Variants in EML4 observed in about 807,000 individuals in gnomAD.
EML4 encodes the protein echinoderm microtubule-associated protein-like 4.
Under a neutral mutation model 129.0 loss-of-function variants are expected in EML4, and 72 were observed. The observed-to-expected ratio is 0.56, with a 90% CI of 0.46 to 0.68. The LOEUF (loss-of-function observed/expected upper bound fraction) is 0.68, where lower values mean the gene tolerates loss of function less well. Ranked by LOEUF, EML4 falls within the 30% of genes least tolerant of loss-of-function variation. The pLI, the probability that EML4 is intolerant of heterozygous loss-of-function variation, is 0.00. For synonymous variants in EML4, 532 were observed against 405.0 expected (o/e 1.31, Z -3.77); for missense variants, 1,363 against 1,190.6 (o/e 1.14, Z -2.13).
chr2:42,171,985 T>C (rs1670310155), intron 1 of EML4, among the ~76,000 whole-genome samples: 1 of 152,166 alleles, frequency 6.6e-6, no homozygotes, highest in Non-Finnish European at 1.5e-5. Context: ...TAGAGTTACA[T>C]TGATCTTTAT....
intron 1 of EML4, among the ~76,000 whole-genome samples, chr2:42,188,023 C>T (rs995322305): frequency 2.6e-5 from 4 of 152,126 alleles, no homozygotes; most frequent in Non-Finnish European, 5.9e-5. Context: ...GGTACAAAGT[C>T]AAGTTTCGTT....
chr2:42,233,582 C>T (rs1404137790), intron 1 of EML4, among the ~76,000 whole-genome samples: 1 of 152,168 alleles, frequency 6.6e-6, no homozygotes, highest in Non-Finnish European at 1.5e-5. Context: ...GCTGGGATTA[C>T]AGGCTTGAGC....
intron 6 of EML4, among the ~76,000 whole-genome samples, chr2:42,272,098 C>G (rs1443289384): frequency 6.7e-6 from 1 of 149,944 alleles, no homozygotes; most frequent in African/African-American, 2.4e-5. Flanking sequence ...AAAAAAAAAC[C>G]CTGTCCAAAA....
chr2:42,295,373 C>T lies in EML4; in HGVS notation c.1354-8C>T, dbSNP rs2103679362. ...AGAAAACTGAAAATTTTTATTGTTT[C>T]CTTGTAGAAATATGAAAAGCCAAAA... is the stretch of plus-strand genomic sequence containing the variant. On this transcript the variant is annotated splice_region_variant and splice_polypyrimidine_tract_variant and intron_variant, in intron 12 of 22. Transcript: ENST00000318522. 1 of 1,606,240 alleles carries T rather than the reference C, an allele frequency of 6.2e-7. No homozygotes were observed. Among genetic ancestry groups the T allele is most frequent in the Non-Finnish European group, 8.5e-7 (1 of 1,178,150 alleles).
At chr2:42,210,977 A>G (rs1278839195) in intron 1 of EML4, among the ~76,000 whole-genome samples, 3 of 152,352 alleles carry the variant, frequency 2.0e-5, no homozygotes, top group Admixed American at 1.3e-4. Flanking sequence ...TTAGAGAGGT[A>G]TTAGGAACTG....
At chr2:42,291,869 T>G (rs771956920) in intron 11 of EML4, among the ~76,000 whole-genome samples, 1 of 152,216 alleles carries the variant, frequency 6.6e-6, no homozygotes, top group African/African-American at 2.4e-5. Context: ...TCCAGGTGAT[T>G]AATAAGCATA....
intron 19 of EML4, among the ~76,000 whole-genome samples, chr2:42,321,501 T>C (rs1669521141): frequency 6.6e-6 from 1 of 152,180 alleles, no homozygotes; most frequent in Non-Finnish European, 1.5e-5. Context: ...AGTATGTTGC[T>C]TCCATCCTCA....
chr2:42,201,884 C>G (rs931666499), intron 1 of EML4, among the ~76,000 whole-genome samples: 1 of 152,146 alleles, frequency 6.6e-6, no homozygotes, highest in Non-Finnish European at 1.5e-5. Flanking sequence ...GAGTTCAAGA[C>G]CAGCCTGGCC....
In EML4 at chr2:42,330,613, G is replaced by T; in HGVS notation, c.*406G>T. 5 of 265,490 alleles carry T rather than the reference G, an allele frequency of 1.9e-5. No homozygotes were observed. Among genetic ancestry groups the T allele is most frequent in the East Asian group, 1.2e-4 (2 of 16,620 alleles). 16.4% of individuals were successfully genotyped at this position (265,490 alleles called of 1,614,324 possible). ...TGTTACTCATCTACTGGCTCAGACT[G>T]TACTACTTTTTTTTTTTTTTTTCCT... is the stretch of plus-strand genomic sequence containing the variant. On this transcript the variant is annotated 3_prime_UTR_variant, in exon 23 of 23. Transcript: ENST00000318522.
intron 6 of EML4, among the ~76,000 whole-genome samples, chr2:42,266,491 C>T (rs549848900): frequency 4.7e-4 from 72 of 151,630 alleles, no homozygotes; most frequent in Non-Finnish European, 7.2e-4. Flanking sequence ...ACTACAGGCG[C>T]GCACCACATA....
chr2:42,264,101 G>GTTTT (rs1366559395), intron 5 of EML4, among the ~76,000 whole-genome samples: 5 of 95,706 alleles, frequency 5.2e-5, no homozygotes, highest in Non-Finnish European at 8.6e-5. Flanking sequence ...CAAACAATAC[G>GTTTT]TGTTTTTTTT....
intron 17 of EML4, among the ~76,000 whole-genome samples, chr2:42,308,754 C>T (rs1572733232): frequency 6.6e-6 from 1 of 152,174 alleles, no homozygotes. Flanking sequence ...CCACCCACCT[C>T]CCCCCTTACT....
At chr2:42,243,824 G>T (rs151181430) in intron 1 of EML4, among the ~76,000 whole-genome samples, 1 of 152,050 alleles carries the variant, frequency 6.6e-6, no homozygotes, top group African/African-American at 2.4e-5. Context: ...TGTGGTGGTG[G>T]TTTTAAACTT....
intron 7 of EML4, among the ~76,000 whole-genome samples, chr2:42,282,086 C>CT (rs1452709009): frequency 6.6e-6 from 1 of 152,088 alleles, no homozygotes; most frequent in Non-Finnish European, 1.5e-5. Context: ...CCTTCTCTCT[C>CT]TTTTTCTCTC....
intron 2 of EML4, among the ~76,000 whole-genome samples, chr2:42,249,496 G>A (rs1391871514): frequency 1.3e-5 from 2 of 152,144 alleles, no homozygotes; most frequent in Non-Finnish European, 2.9e-5. Flanking sequence ...CCCTATTACT[G>A]AAGAGAGCTA....
chr2:42,325,894 TCTC>T (rs1572764349), intron 20 of EML4, among the ~76,000 whole-genome samples: 2 of 151,706 alleles, frequency 1.3e-5, no homozygotes, highest in East Asian at 1.9e-4. Context: ...TTTAATTACT[TCTC>T]CTGGAGGCAG....
chr2:42,192,122 C>CA (rs34611381), intron 1 of EML4, among the ~76,000 whole-genome samples: 84,836 of 138,174 alleles, frequency 0.61, 25,648 homozygotes, highest in East Asian at 0.74. Flanking sequence ...GAAACTGTCT[C>CA]AAAAAAAAAA....
chr2:42,283,427 A>G (rs1232791866), intron 8 of EML4, among the ~76,000 whole-genome samples: 3 of 152,170 alleles, frequency 2.0e-5, no homozygotes, highest in Non-Finnish European at 4.4e-5. Flanking sequence ...GTAGGATGTC[A>G]TACTACAAAT....
At chr2:42,270,796 C>A (rs1666320814) in intron 6 of EML4, among the ~76,000 whole-genome samples, 1 of 152,140 alleles carries the variant, frequency 6.6e-6, no homozygotes, top group Admixed American at 6.5e-5. Flanking sequence ...CTTGGCAATT[C>A]CCGAATTTAG....
Sources: gnomAD v4.1 joint callset for allele counts (sites outside exome capture counted in the v4.1 genomes callset) on GRCh38, gnomAD v4.1.1 for gene constraint, MANE v1.5 for transcripts, NCBI Gene and HGNC (gene_info 2026-07-23, HGNC 2026-07-21) for gene names.